Variants in THSD7B observed in about 807,000 individuals in gnomAD.
THSD7B encodes the protein thrombospondin type-1 domain-containing protein 7B.
THSD7B carries 138 observed loss-of-function variants against 213.6 expected under a neutral mutation model. The ratio of observed to expected loss-of-function variants is 0.65; its 90% CI spans 0.56 to 0.74. The LOEUF (loss-of-function observed/expected upper bound fraction) is 0.74, where lower values mean the gene tolerates loss of function less well. Ranked by LOEUF, THSD7B falls within the 30% of genes least tolerant of loss-of-function variation. The probability of loss-of-function intolerance (pLI) is 0.00; values close to 1 mark genes in which losing one functional copy is unlikely to be tolerated. For synonymous variants in THSD7B, 742 were observed against 687.0 expected (o/e 1.08, Z -1.25); for missense variants, 1,931 against 1,991.5 (o/e 0.97, Z 0.58).
intron 14 of THSD7B, among the ~76,000 whole-genome samples, chr2:137,417,157 G>T (rs1686817217): frequency 6.6e-6 from 1 of 152,100 alleles, no homozygotes; most frequent in Admixed American, 6.5e-5. Flanking sequence ...ATAATCTAAA[G>T]AATCTCTTTT....
Position 136,946,919 on chromosome 2 carries a change from C to A in THSD7B, c.139+64602C>A, listed in dbSNP as rs889846497. 5.9e-5 allele frequency among the ~76,000 whole-genome samples: 9 copies of A among 152,066 alleles called. No individual in the cohort carries two copies. The East Asian group carries it at 1.7e-3, about 29-fold the overall frequency. On this transcript the variant is annotated intron_variant, in intron 2 of 27. Coordinates refer to ENST00000409968, the MANE Select transcript of THSD7B (RefSeq NM_001316349.2). The stretch of plus-strand genomic sequence containing the variant: ...CTTCCCTTGGCTAGGAAAGGGAAAT[C>A]CCCCAACCCCTTGCACTTCCTGGGT...
At chr2:137,338,175 C>T (rs1052653250) in intron 12 of THSD7B, among the ~76,000 whole-genome samples, 2 of 152,046 alleles carry the variant, frequency 1.3e-5, no homozygotes, top group Non-Finnish European at 2.9e-5. Context: ...TGAGGTTATT[C>T]AGGTCTTTTT....
chr2:136,820,491 T>C (rs1682549991), intron 1 of THSD7B, among the ~76,000 whole-genome samples: 1 of 152,186 alleles, frequency 6.6e-6, no homozygotes, highest in African/African-American at 2.4e-5. Context: ...AAATTCAACA[T>C]GAGGTTTAGT....
At chr2:136,832,918 C>A (rs1471295013) in intron 1 of THSD7B, among the ~76,000 whole-genome samples, 1 of 152,142 alleles carries the variant, frequency 6.6e-6, no homozygotes, top group Non-Finnish European at 1.5e-5. Flanking sequence ...CTCACTCTTA[C>A]GTTTGCTTTA....
At chr2:137,213,286 G>A (rs1237328642) in intron 7 of THSD7B, among the ~76,000 whole-genome samples, 1 of 149,744 alleles carries the variant, frequency 6.7e-6, no homozygotes, top group Non-Finnish European at 1.5e-5. Flanking sequence ...GTTATGTATT[G>A]CCAACTTTCT....
intron 5 of THSD7B, among the ~76,000 whole-genome samples, chr2:137,148,783 C>G (rs1168595461): frequency 6.6e-6 from 1 of 152,054 alleles, no homozygotes; most frequent in Admixed American, 6.6e-5. Flanking sequence ...AAGAAATTTG[C>G]AGCAAAGTGC....
chr2:136,805,584 G>A (rs1682266366), intron 1 of THSD7B, among the ~76,000 whole-genome samples: 1 of 151,920 alleles, frequency 6.6e-6, no homozygotes, highest in African/African-American at 2.4e-5. Context: ...ATCCAGTTCG[G>A]TTCTCTCTCC....
At chr2:137,011,402 G>T (rs1391770415) in intron 2 of THSD7B, among the ~76,000 whole-genome samples, 1 of 152,174 alleles carries the variant, frequency 6.6e-6, no homozygotes, top group African/African-American at 2.4e-5. Context: ...AAACTTAGCT[G>T]TTTTGACATT....
At chr2:136,877,352 T>A (rs945759132) in intron 1 of THSD7B, among the ~76,000 whole-genome samples, 7 of 152,288 alleles carry the variant, frequency 4.6e-5, no homozygotes, top group Non-Finnish European at 8.8e-5. Flanking sequence ...ATGTGGCCAA[T>A]TCAGTTCTCT....
intron 3 of THSD7B, among the ~76,000 whole-genome samples, chr2:137,065,670 A>G (rs1175657678): frequency 2.1e-5 from 3 of 145,096 alleles, no homozygotes; most frequent in African/African-American, 8.2e-5. Context: ...ATGTTGTTTG[A>G]TTTTTTTCTT....
At chr2:137,312,964 T>G (rs1219136027) in intron 12 of THSD7B, among the ~76,000 whole-genome samples, 103 of 149,792 alleles carry the variant, frequency 6.9e-4, no homozygotes, top group South Asian at 4.3e-3. Context: ...GGTGTGGTGC[T>G]GAAAAAAATG....
At chr2:136,897,124 TA>T (rs988216340) in intron 2 of THSD7B, among the ~76,000 whole-genome samples, 6 of 151,352 alleles carry the variant, frequency 4.0e-5, no homozygotes, top group African/African-American at 9.7e-5. Flanking sequence ...TATTTTTAAT[TA>T]AAAAAAAATT....
At chr2:137,655,776 T>C in intron 22 of THSD7B, 116 bp downstream of exon 22, 1 of 1,265,166 alleles carries the variant, frequency 7.9e-7, no homozygotes, top group Non-Finnish European at 1.1e-6. Flanking sequence ...ATAACTTTAA[T>C]TCATTTTTAA....
At position 136,819,877 on chromosome 2, in the gene THSD7B, T is replaced by C. The variant is rs1412239505; in HGVS notation, c.-36+54190T>C. 2.6e-5 allele frequency among the ~76,000 whole-genome samples: 4 copies of C among 152,036 alleles called. No homozygotes were observed. In the East Asian group the frequency reaches 7.7e-4, roughly 29 times the overall value. On this transcript the variant is annotated intron_variant, in intron 1 of 27. Transcript: ENST00000409968. ...ATCACTCTGCTTCAGCTAAGTTGGC[T>C]CTTTGGTGTTTCTTAAACATACTAG...
chr2:137,530,082 G>T (rs76236950), intron 15 of THSD7B, among the ~76,000 whole-genome samples: 7,773 of 151,958 alleles, frequency 0.051, 278 homozygotes, highest in Non-Finnish European at 0.074. Flanking sequence ...AGCTGTGCAG[G>T]CCTAATGAAA....
At chr2:137,292,181 A>G (rs1683353528) in intron 12 of THSD7B, among the ~76,000 whole-genome samples, 1 of 152,168 alleles carries the variant, frequency 6.6e-6, no homozygotes, top group Non-Finnish European at 1.5e-5. Flanking sequence ...CTTCCCATAC[A>G]AATAATATTT....
intron 14 of THSD7B, among the ~76,000 whole-genome samples, chr2:137,435,445 A>C (rs1227831118): frequency 6.6e-6 from 1 of 152,210 alleles, no homozygotes; most frequent in Non-Finnish European, 1.5e-5. Context: ...AAATAGTGCA[A>C]TGATGAATCA....
intron 2 of THSD7B, among the ~76,000 whole-genome samples, chr2:137,050,687 A>G (rs1379328756): frequency 1.3e-5 from 2 of 152,112 alleles, no homozygotes; most frequent in African/African-American, 4.8e-5. Flanking sequence ...TTTTTCTGAG[A>G]TTTATGGGAA....
chr2:137,008,379 A>G (rs1477263595), intron 2 of THSD7B, among the ~76,000 whole-genome samples: 2 of 152,184 alleles, frequency 1.3e-5, no homozygotes, highest in Admixed American at 6.5e-5. Context: ...ACTTTTAACT[A>G]AAGGGGAACT....
Sources: allele counts gnomAD v4.1 joint callset (sites outside exome capture counted in the v4.1 genomes callset), GRCh38; gene constraint gnomAD v4.1.1; transcripts MANE v1.5; gene names NCBI Gene and HGNC (gene_info 2026-07-23, HGNC 2026-07-21).